The following ATP10D variants were observed in gnomAD, a reference collection of about 807,000 sequenced individuals.
ATP10D encodes ATPase phospholipid transporting 10D (putative).
In ATP10D, 89 loss-of-function variants were observed where a neutral mutation model predicts 144.8. The ratio of observed to expected loss-of-function variants is 0.61; its 90% confidence interval spans 0.52 to 0.73. The LOEUF (loss-of-function observed/expected upper bound fraction) is 0.73, where lower values mean the gene tolerates loss of function less well. ATP10D is among the 30% of genes least tolerant of loss of function. The pLI is 0.00. For synonymous variants in ATP10D, 571 were observed against 615.1 expected (o/e 0.93, Z 1.06); for missense variants, 1,603 against 1,714.8 (o/e 0.93, Z 1.15).
chr4:47,513,085 G>A (rs920977281), intron 2 of ATP10D, among the ~76,000 whole-genome samples: 5 of 152,174 alleles, frequency 3.3e-5, no homozygotes, highest in African/African-American at 1.2e-4. Context: ...ACTTGACTGT[G>A]GTTTAGCCAA....
intron 4 of ATP10D, among the ~76,000 whole-genome samples, chr4:47,523,463 G>A (rs532679925): frequency 6.6e-6 from 1 of 152,230 alleles, no homozygotes; most frequent in African/African-American, 2.4e-5. Context: ...GGAATTAAAG[G>A]AACCTAACAG....
intron 5 of ATP10D, among the ~76,000 whole-genome samples, chr4:47,528,513 G>GTATATA (rs796644378): frequency 2.3e-3 from 215 of 93,192 alleles, no homozygotes; most frequent in South Asian, 4.4e-3. Context: ...GTGTGTGTGT[G>GTATATA]TATATATATA....
Position 47,533,471 on chromosome 4 carries a change from A to G in ATP10D, c.777-2038A>G, listed in dbSNP as rs188927094. 5.5e-4 allele frequency among the ~76,000 whole-genome samples: 84 copies of G among 152,254 alleles called. 1 individual carries two copies. The highest frequency in any genetic ancestry group is 1.8e-3 in the African/African-American group (75 of 41,558). ...TCTTTCTCTTTCTTTGTAGTATGAA[A>G]CCTTATTTGAATAATTTTTATTTTA... On this transcript the variant is annotated intron_variant, in intron 5 of 22. Coordinates refer to ENST00000273859, the MANE Select transcript of ATP10D (RefSeq NM_020453.4).
intron 9 of ATP10D, among the ~76,000 whole-genome samples, chr4:47,539,440 A>T (rs541079826): frequency 3.3e-5 from 5 of 152,308 alleles, no homozygotes; most frequent in African/African-American, 1.2e-4. Flanking sequence ...CATCAAACAG[A>T]ATAGATCACT....
intron 4 of ATP10D, among the ~76,000 whole-genome samples, chr4:47,523,459 A>C (rs1257232125): frequency 6.6e-6 from 1 of 152,224 alleles, no homozygotes; most frequent in Non-Finnish European, 1.5e-5. Context: ...GAATGGAATT[A>C]AAGGAACCTA....
chr4:47,500,704 C>T (rs1715638073), intron 1 of ATP10D, among the ~76,000 whole-genome samples: 1 of 152,122 alleles, frequency 6.6e-6, no homozygotes, highest in South Asian at 2.1e-4. Context: ...GATGGGCTGC[C>T]TTTTGGGCAT....
In ATP10D at chr4:47,573,884, ATT is replaced by A. The variant is rs11319483; in HGVS notation, c.3366+897_3366+898del. On this transcript the variant is annotated intron_variant, in intron 18 of 22. Transcript: ENST00000273859. ...CACATGTATGTCCATCAGTAGGAAC[ATT>A]TTTTTTTTTCCTATAGCACAGTACA... 1.6e-4 allele frequency among the ~76,000 whole-genome samples: 24 copies of A among 150,482 alleles called. No individual in the cohort carries two copies. In the East Asian group the frequency reaches 3.3e-3, roughly 21 times the overall value.
At chr4:47,547,504 T>G (rs1718500683) in intron 10 of ATP10D, 1 of 152,210 alleles carries the variant, frequency 6.6e-6, no homozygotes, top group African/African-American at 2.4e-5. Flanking sequence ...AAAGGTGCTG[T>G]GTGAAAAAAA....
At chr4:47,527,578 G>T (rs1204516288) in intron 5 of ATP10D, among the ~76,000 whole-genome samples, 1 of 152,032 alleles carries the variant, frequency 6.6e-6, no homozygotes, top group African/African-American at 2.4e-5. Context: ...ATATATAAAG[G>T]AATCTCGAAA....
intron 1 of ATP10D, among the ~76,000 whole-genome samples, chr4:47,487,845 A>C (rs773784581): frequency 1.3e-5 from 2 of 152,178 alleles, no homozygotes; most frequent in African/African-American, 4.8e-5. Context: ...TTATGTATTA[A>C]AACCTGTGAA....
intron 1 of ATP10D, among the ~76,000 whole-genome samples, chr4:47,503,506 C>A (rs927296284): frequency 1.6e-4 from 25 of 152,152 alleles, no homozygotes; most frequent in African/African-American, 5.8e-4. Context: ...ACAAATATTT[C>A]TTTATTAGTG....
chr4:47,502,126 A>G (rs1715713556), intron 1 of ATP10D, among the ~76,000 whole-genome samples: 1 of 152,204 alleles, frequency 6.6e-6, no homozygotes, highest in African/African-American at 2.4e-5. Flanking sequence ...AGCCTAAACC[A>G]GCTTTGAGCC....
intron 16 of ATP10D, among the ~76,000 whole-genome samples, chr4:47,569,763 T>C (rs1324173102): frequency 6.6e-6 from 1 of 152,102 alleles, no homozygotes; most frequent in Non-Finnish European, 1.5e-5. Flanking sequence ...TTAAATACGA[T>C]TTTCAAAGAA....
chr4:47,493,455 A>G (rs1227697155), intron 1 of ATP10D, among the ~76,000 whole-genome samples: 2 of 152,220 alleles, frequency 1.3e-5, no homozygotes, highest in Non-Finnish European at 2.9e-5. Context: ...TTGATTATAA[A>G]GTAGGCTTTG....
chr4:47,499,403 C>T (rs1469844402), intron 1 of ATP10D, among the ~76,000 whole-genome samples: 2 of 152,320 alleles, frequency 1.3e-5, no homozygotes, highest in African/African-American at 2.4e-5. Context: ...TTTTTATCTT[C>T]TACTTCCTGA....
chr4:47,572,810 C>A, intron 17 of ATP10D, 62 bp from the exon 18 acceptor site: 1 of 1,605,046 alleles, frequency 6.2e-7, no homozygotes, highest in Non-Finnish European at 8.5e-7. Context: ...AAGAATTGTG[C>A]TGTGTCTGTT....
intron 3 of ATP10D, among the ~76,000 whole-genome samples, chr4:47,516,752 G>T (rs755224186): frequency 6.6e-6 from 1 of 152,142 alleles, no homozygotes; most frequent in Non-Finnish European, 1.5e-5. Context: ...TGAGAAATTA[G>T]TTCTGTTTTT....
At chr4:47,528,431 G>GT (rs1448702630) in intron 5 of ATP10D, among the ~76,000 whole-genome samples, 1 of 148,268 alleles carries the variant, frequency 6.7e-6, no homozygotes, top group African/African-American at 2.5e-5. Context: ...TGATTTCATT[G>GT]TTTTTTATAG....
intron 5 of ATP10D, among the ~76,000 whole-genome samples, chr4:47,527,912 A>G (rs778356788): frequency 6.6e-5 from 10 of 152,134 alleles, no homozygotes; most frequent in Non-Finnish European, 1.5e-4. Flanking sequence ...AAATGAAAAT[A>G]TTTGTCCATT....
Sources: gnomAD v4.1 joint callset for allele counts (sites outside exome capture counted in the v4.1 genomes callset) on GRCh38, gnomAD v4.1.1 for gene constraint, MANE v1.5 for transcripts, NCBI Gene and HGNC (gene_info 2026-07-23, HGNC 2026-07-21) for gene names.